The following DGKD variants were observed in gnomAD, a reference collection of about 807,000 sequenced individuals.
The protein encoded by DGKD is DAG kinase delta.
DGKD carries 68 observed loss-of-function variants against 154.4 expected under a neutral mutation model. The ratio of observed to expected loss-of-function variants is 0.44; its 90% CI spans 0.36 to 0.54. DGKD has a LOEUF of 0.54. Ranked by LOEUF, DGKD falls within the 20% of genes least tolerant of loss-of-function variation. The pLI, the probability that DGKD is intolerant of heterozygous loss-of-function variation, is 0.00. For synonymous variants in DGKD, 693 were observed against 638.0 expected (o/e 1.09, Z -1.30); for missense variants, 1,343 against 1,593.6 (o/e 0.84, Z 2.68).
At chr2:233,435,948 G>A (rs2062678101) in intron 6 of DGKD, 24 bp downstream of exon 6, 2 of 1,581,586 alleles carry the variant, frequency 1.3e-6, no homozygotes, top group African/African-American at 1.4e-5. Context: ...TACCACCTGT[G>A]GGGCCCTGAG....
At chr2:233,390,589 C>A in intron 3 of DGKD, 106 bp downstream of exon 3, 1 of 774,754 alleles carries the variant, frequency 1.3e-6, no homozygotes. Flanking sequence ...TCTTTTCTTA[C>A]TGATTGGAAT....
chr2:233,372,679 CTG>C (rs1469108664), intron 1 of DGKD, among the ~76,000 whole-genome samples: 1 of 151,414 alleles, frequency 6.6e-6, no homozygotes, highest in Non-Finnish European at 1.5e-5. Context: ...TCACAATTGT[CTG>C]TGTTTTTATA....
intron 1 of DGKD, among the ~76,000 whole-genome samples, chr2:233,368,762 A>G (rs1702166785): frequency 6.6e-6 from 1 of 152,116 alleles, no homozygotes; most frequent in South Asian, 2.1e-4. Context: ...AGTTACAGTC[A>G]TTCTTTTTGA....
Position 233,445,556 on chromosome 2 carries a change from C to A in DGKD, c.1195-67C>A. The A allele has an allele frequency of 6.6e-7, 1 of 1,520,992 alleles. No individual in the cohort carries two copies. The highest frequency in any genetic ancestry group is 8.8e-7 in the Non-Finnish European group (1 of 1,132,862). 94.2% of individuals were successfully genotyped at this position (1,520,992 alleles called of 1,614,324 possible). A position where few individuals can be genotyped will look rare whatever the true frequency, so the allele number is the denominator to read the frequency against. On this transcript the variant is annotated intron_variant, in intron 10 of 29. Transcript: ENST00000264057. This position sits in a 1 kb window ranked among gnomAD's most constrained non-coding sequence, Gnocchi z 5.5. Reference sequence around the variant, plus strand: ...CCCTCACGGTGGGGGACAAGGAGGGCTGCGGGCTGGGAAGTGGCCCCTGCC... The same window carrying A: ...CCCTCACGGTGGGGGACAAGGAGGGATGCGGGCTGGGAAGTGGCCCCTGCC...
In DGKD at chr2:233,388,287, C is replaced by G. The variant is rs1314534273; in HGVS notation, c.187C>G (p.Gln63Glu). ...CATCAAAGAGGGGATGCTGACCAAACAGAACAATTCATTCCAGCGATCAAA... is the reference window on the plus strand; with the variant it reads ...CATCAAAGAGGGGATGCTGACCAAAGAGAACAATTCATTCCAGCGATCAAA... ...TIIKEGMLTKQNNSFQRSKRR... is the reference protein window; with the variant it reads ...TIIKEGMLTKENNSFQRSKRR... The change falls in exon 2 of 30, where the codon CAG (glutamine) becomes GAG (glutamate). Residue 63 changes from glutamine to glutamate, a missense_variant. This residue lies in a region of DGKD where 332 missense variants were observed against 400.1 expected (regional missense o/e 0.83). Transcript: ENST00000264057. 3 of 1,614,040 alleles carry G rather than the reference C, an allele frequency of 1.9e-6. No homozygotes were observed. Among genetic ancestry groups the G allele is most frequent in the Non-Finnish European group, 1.7e-6 (2 of 1,179,994 alleles).
intron 26 of DGKD, 68 bp from the exon 27 acceptor site, chr2:233,464,096 C>T: frequency 1.1e-5 from 18 of 1,601,542 alleles, no homozygotes; most frequent in Non-Finnish European, 1.5e-5. Flanking sequence ...GACCTCACCC[C>T]CCTGGGCCTC....
chr2:233,383,955 A>G (rs1185447525), intron 1 of DGKD, among the ~76,000 whole-genome samples: 1 of 152,184 alleles, frequency 6.6e-6, no homozygotes, highest in Non-Finnish European at 1.5e-5. Context: ...GAGGGTGTGT[A>G]GGTGCCGTGA....
In DGKD at chr2:233,457,206, GTC is replaced by G. The variant is rs2063489595; in HGVS notation, c.2473-11_2473-10del. ...ACCTTTCTCTTTTCTTTTGTTCTGT[GTC>G]TCTGCTGCTCAGTGTGACGGGCGAC... On this transcript the variant is annotated splice_polypyrimidine_tract_variant and intron_variant, in intron 20 of 29. Transcript: ENST00000264057. This position sits in a 1 kb window ranked among gnomAD's most constrained non-coding sequence, Gnocchi z 5.5. 4 of 1,504,338 alleles carry G rather than the reference GTC, an allele frequency of 2.7e-6. No homozygotes were observed. The East Asian group carries it at 6.8e-5, about 26-fold the overall frequency. The allele number at this position is 1,504,338 out of a possible 1,614,324, so 93.2% of individuals were successfully genotyped here.
intron 3 of DGKD, among the ~76,000 whole-genome samples, chr2:233,433,714 C>T (rs564008078): frequency 6.6e-6 from 1 of 151,994 alleles, no homozygotes; most frequent in East Asian, 1.9e-4. Context: ...ACCATGTACC[C>T]ACAAAAAAAA....
chr2:233,359,389 C>G (rs1689423502), intron 1 of DGKD, among the ~76,000 whole-genome samples: 1 of 152,058 alleles, frequency 6.6e-6, no homozygotes, highest in South Asian at 2.1e-4. Context: ...GGGATGTTAA[C>G]TCATAGAATT....
At chr2:233,379,718 G>A (rs1702785191) in intron 1 of DGKD, 1 of 152,194 alleles carries the variant, frequency 6.6e-6, no homozygotes, top group African/African-American at 2.4e-5. Context: ...AACCACCTGG[G>A]CTCTTGGCAA....
chr2:233,462,298 C>T (rs1403293569), intron 24 of DGKD, 50 bp from the exon 25 acceptor site: 1 of 1,465,166 alleles, frequency 6.8e-7, no homozygotes, highest in Non-Finnish European at 9.5e-7. Flanking sequence ...TTGTGAAAGG[C>T]TGCCCTTCCA....
chr2:233,387,337 A>C (rs1442225100), intron 1 of DGKD, among the ~76,000 whole-genome samples: 1 of 152,176 alleles, frequency 6.6e-6, no homozygotes, highest in Non-Finnish European at 1.5e-5. Context: ...TTCCATGCTG[A>C]GGCTCCTTGT....
chr2:233,464,074 A>C, intron 26 of DGKD, 90 bp from the exon 27 acceptor site: 1 of 1,556,088 alleles, frequency 6.4e-7, no homozygotes, highest in Non-Finnish European at 8.8e-7. Context: ...AGCAGAGCAG[A>C]GCCCTGGAGC....
At chr2:233,436,537 G>GTAAAT (rs1461921142) in intron 7 of DGKD, 96 bp downstream of exon 7, 1 of 1,481,708 alleles carries the variant, frequency 6.7e-7, no homozygotes, top group Admixed American at 2.4e-5. Flanking sequence ...CTGGATCCTG[G>GTAAAT]TAAATTAATC....
At chr2:233,468,810 T>C (rs568773111) in intron 29 of DGKD, among the ~76,000 whole-genome samples, 1 of 152,340 alleles carries the variant, frequency 6.6e-6, no homozygotes, top group South Asian at 2.1e-4. Context: ...AAGGACTGTC[T>C]TCGTGTTAAA....
At position 233,458,979 on chromosome 2, in the gene DGKD, G is replaced by C. The variant is rs1559176431; in HGVS notation, c.2694+582G>C. ...GGTGGGATGAGATAGAGCAGACCCA[G>C]GCTGGACTCTGCCCGTGTCTGCAGC... On this transcript the variant is annotated intron_variant, in intron 22 of 29. Coordinates refer to ENST00000264057, the MANE Select transcript of DGKD (RefSeq NM_152879.3). This position sits in a 1 kb window ranked among gnomAD's most constrained non-coding sequence, Gnocchi z 6.6. 2.0e-5 allele frequency among the ~76,000 whole-genome samples: 3 copies of C among 152,228 alleles called. No individual in the cohort carries two copies. Among genetic ancestry groups the C allele is most frequent in the African/African-American group, 7.2e-5 (3 of 41,458 alleles).
Position 233,452,212 on chromosome 2 carries a change from T to A in DGKD, c.2264+152T>A. 1.4e-6 allele frequency: 1 copy of A among 726,668 alleles called. No individual in the cohort carries two copies. The highest frequency in any genetic ancestry group is 2.3e-6 in the Non-Finnish European group (1 of 434,048). 45.0% of individuals were successfully genotyped at this position (726,668 alleles called of 1,614,324 possible). A position where few individuals can be genotyped will look rare whatever the true frequency, so the allele number is the denominator to read the frequency against. On this transcript the variant is annotated intron_variant, in intron 18 of 29. Coordinates refer to ENST00000264057, the MANE Select transcript of DGKD (RefSeq NM_152879.3). This position sits in a 1 kb window ranked among gnomAD's most constrained non-coding sequence, Gnocchi z 4.0. ...GCTGAGAAGTCGTGGAGATTCCACT[T>A]AAGGAGTGGAGCTGGAAACCACTAC...
intron 1 of DGKD, among the ~76,000 whole-genome samples, chr2:233,380,857 G>A (rs1702862964): frequency 6.6e-6 from 1 of 152,110 alleles, no homozygotes; most frequent in Non-Finnish European, 1.5e-5. Context: ...CCTCACATTA[G>A]TGGGGGCAGG....
Sources: allele counts gnomAD v4.1 joint callset (sites outside exome capture counted in the v4.1 genomes callset), GRCh38; gene constraint gnomAD v4.1.1; regional missense constraint gnomAD v4.1.1; non-coding constraint Gnocchi (gnomAD v3.1); transcripts MANE v1.5; gene names NCBI Gene and HGNC (gene_info 2026-07-23, HGNC 2026-07-21).